XPO6: variants seen among roughly 807,000 people sequenced by gnomAD.
The protein encoded by XPO6 is exportin 6.
XPO6 carries 3 observed loss-of-function variants against 130.0 expected under a neutral mutation model. That is an observed-to-expected ratio of 0.02 (90% CI 0.01 to 0.06). The LOEUF (loss-of-function observed/expected upper bound fraction) is 0.06, where lower values mean the gene tolerates loss of function less well. XPO6 is among the 10% of genes least tolerant of loss of function. The pLI is 1.00. For missense variants in XPO6, 970 were observed against 1,393.0 expected, an observed-to-expected ratio of 0.70 and a Z score of 4.83; for synonymous variants, 524 against 548.9, an observed-to-expected ratio of 0.95 and a Z score of 0.63.
At chr16:28,196,948 A>G (rs955530940) in intron 1 of XPO6, among the ~76,000 whole-genome samples, 1 of 152,148 alleles carries the variant, frequency 6.6e-6, no homozygotes, top group Non-Finnish European at 1.5e-5. Context: ...TTTTCCCTTT[A>G]CAAATTACCC....
intron 5 of XPO6, chr16:28,167,037 G>A (rs530927796): frequency 6.8e-6 from 5 of 738,298 alleles, no homozygotes; most frequent in Middle Eastern, 7.0e-4. Context: ...TTAAACACAC[G>A]TTTCCCCAGG....
At position 28,106,639 on chromosome 16, in the gene XPO6, G is replaced by T; in HGVS notation, c.2498-142C>A. 1 of 659,262 alleles carries T rather than the reference G, an allele frequency of 1.5e-6. No homozygotes were observed. Among genetic ancestry groups the T allele is most frequent in the East Asian group, 2.7e-5 (1 of 36,992 alleles). 40.8% of individuals were successfully genotyped at this position (659,262 alleles called of 1,614,324 possible). ...TGGAAACATTTCCCCAACACCATCA[G>T]GGCCAATGATGGAAAGTGGAAAACG... is the stretch of plus-strand genomic sequence containing the variant. On this transcript the variant is annotated intron_variant, in intron 18 of 23. Transcript: ENST00000304658. This position sits in a 1 kb window ranked among gnomAD's most constrained non-coding sequence, Gnocchi z 4.2.
chr16:28,178,506 G>A (rs547931254), intron 2 of XPO6, among the ~76,000 whole-genome samples: 1 of 150,566 alleles, frequency 6.6e-6, no homozygotes, highest in African/African-American at 2.4e-5. Context: ...GCCCAGGCTG[G>A]TCTTTAACTC....
At chr16:28,136,733 T>C (rs568307007) in intron 9 of XPO6, among the ~76,000 whole-genome samples, 7 of 152,206 alleles carry the variant, frequency 4.6e-5, no homozygotes, top group Non-Finnish European at 8.8e-5. Context: ...TAAGCAACAA[T>C]TGCTACCACA....
intron 6 of XPO6, among the ~76,000 whole-genome samples, chr16:28,157,182 C>T (rs1050172693): frequency 6.6e-5 from 10 of 152,110 alleles, no homozygotes; most frequent in East Asian, 1.9e-4. Flanking sequence ...CAAGGCTGGG[C>T]GCGGTGGCTC....
intron 1 of XPO6, among the ~76,000 whole-genome samples, chr16:28,211,092 G>A (rs2044121300): frequency 6.6e-6 from 1 of 152,212 alleles, no homozygotes; most frequent in African/African-American, 2.4e-5. Context: ...ATAAACGATA[G>A]TTATTATCCG....
chr16:28,114,326 T>C (rs1386827124), intron 15 of XPO6, among the ~76,000 whole-genome samples: 1 of 152,176 alleles, frequency 6.6e-6, no homozygotes, highest in African/African-American at 2.4e-5. Flanking sequence ...AACTTAGTTA[T>C]TACTTATTAC....
intron 1 of XPO6, among the ~76,000 whole-genome samples, chr16:28,206,139 TACACACAC>T (rs138219018): frequency 1.3e-4 from 19 of 142,844 alleles, no homozygotes; most frequent in African/African-American, 3.0e-4. Flanking sequence ...TAGAAAGCAA[TACACACAC>T]ACACACACAC....
chr16:28,180,697 G>A (rs898881190), intron 2 of XPO6, among the ~76,000 whole-genome samples: 5 of 151,972 alleles, frequency 3.3e-5, no homozygotes, highest in African/African-American at 7.3e-5. Context: ...CCAAAAAGTC[G>A]CAGGCTTCTT....
Position 28,098,131 on chromosome 16 carries a change from T to G in XPO6, c.*407A>C, listed in dbSNP as rs968145756. ...TCAAGGCAATTGGGGCGGGGGAGGC[T>G]TGACAGAAGTGCCAGAGCAGTTCCA... On this transcript the variant is annotated 3_prime_UTR_variant, in exon 24 of 24. Coordinates refer to ENST00000304658, the MANE Select transcript of XPO6 (RefSeq NM_015171.4). 6.0e-6 allele frequency: 1 copy of G among 166,680 alleles called. No homozygotes were observed. Among genetic ancestry groups the G allele is most frequent in the African/African-American group, 2.4e-5 (1 of 42,018 alleles). 10.3% of individuals were successfully genotyped at this position (166,680 alleles called of 1,614,324 possible). A position where few individuals can be genotyped will look rare whatever the true frequency, so the allele number is the denominator to read the frequency against.
intron 9 of XPO6, among the ~76,000 whole-genome samples, chr16:28,145,710 T>C (rs754318415): frequency 5.9e-5 from 9 of 152,302 alleles, no homozygotes; most frequent in Non-Finnish European, 1.0e-4. Flanking sequence ...CACCAACACA[T>C]GGGCAGCCTG....
At chr16:28,186,333 GATAAATTC>G (rs2043691464) in intron 1 of XPO6, among the ~76,000 whole-genome samples, 1 of 132,646 alleles carries the variant, frequency 7.5e-6, no homozygotes, top group East Asian at 2.1e-4. Flanking sequence ...TTTACCGCCA[GATAAATTC>G]TCTTAAATAT....
At chr16:28,176,804 C>T (rs1392118855) in intron 3 of XPO6, among the ~76,000 whole-genome samples, 2 of 151,994 alleles carry the variant, frequency 1.3e-5, no homozygotes, top group Non-Finnish European at 2.9e-5. Flanking sequence ...CCACTGCGCC[C>T]GGCCTACAGT....
chr16:28,114,925 T>C (rs1022286772), intron 15 of XPO6, among the ~76,000 whole-genome samples: 3 of 152,202 alleles, frequency 2.0e-5, no homozygotes, highest in African/African-American at 4.8e-5. Context: ...GTTGATTCCA[T>C]CTCAAAAACC....
chr16:28,158,701 T>C (rs1307716878), intron 6 of XPO6, among the ~76,000 whole-genome samples: 1 of 152,130 alleles, frequency 6.6e-6, no homozygotes, highest in Non-Finnish European at 1.5e-5. Flanking sequence ...GGACCAGTAA[T>C]GTAATCAGGG....
intron 1 of XPO6, among the ~76,000 whole-genome samples, chr16:28,186,371 A>ATTTTTTTTTTTTTTT (rs1237138991): frequency 3.9e-4 from 4 of 10,136 alleles, no homozygotes; most frequent in African/African-American, 1.6e-3. Context: ...TGCCCCAGTT[A>ATTTTTTTTTTTTTTT]TTCTTTTTTT....
At position 28,177,347 on chromosome 16, in the gene XPO6, T is replaced by G. The variant is rs764051186; in HGVS notation, c.95-15A>C. ...AAGAAGCTCCTCTGGAAAAGTTAAA[T>G]GGCAACAAAAGAAAGCTATGAAAAT... On this transcript the variant is annotated splice_polypyrimidine_tract_variant and intron_variant, in intron 2 of 23. Coordinates refer to ENST00000304658, the MANE Select transcript of XPO6 (RefSeq NM_015171.4). 6.5e-7 allele frequency: 1 copy of G among 1,537,358 alleles called. No individual in the cohort carries two copies. Among genetic ancestry groups the G allele is most frequent in the Non-Finnish European group, 9.0e-7 (1 of 1,116,906 alleles).
chr16:28,208,719 A>G (rs2141921337), intron 1 of XPO6, among the ~76,000 whole-genome samples: 1 of 152,330 alleles, frequency 6.6e-6, no homozygotes, highest in African/African-American at 2.4e-5. Context: ...AAACCTCAAT[A>G]CAAGGGTGCT....
chr16:28,148,091 C>G (rs1351584391), intron 8 of XPO6, among the ~76,000 whole-genome samples: 1 of 152,192 alleles, frequency 6.6e-6, no homozygotes, highest in Non-Finnish European at 1.5e-5. Flanking sequence ...TCAAAACTAT[C>G]CACTAGCCCC....
Sources: gnomAD v4.1 joint callset for allele counts (sites outside exome capture counted in the v4.1 genomes callset) on GRCh38, gnomAD v4.1.1 for gene constraint, Gnocchi (gnomAD v3.1) non-coding constraint, MANE v1.5 for transcripts, NCBI Gene and HGNC (gene_info 2026-07-23, HGNC 2026-07-21) for gene names.